Variants in NPAS3 observed in about 807,000 individuals in gnomAD.
NPAS3 encodes neuronal PAS domain protein 3.
A neutral mutation model predicts 73.1 loss-of-function variants in NPAS3; 14 were observed. The ratio of observed to expected loss-of-function variants is 0.19; its 90% CI spans 0.13 to 0.30. The LOEUF (loss-of-function observed/expected upper bound fraction) is 0.30. NPAS3 is among the 10% of genes least tolerant of loss of function. The pLI is 1.00. For synonymous variants in NPAS3, 620 were observed against 541.5 expected (o/e 1.14, Z -2.01); for missense variants, 1,096 against 1,250.0 (o/e 0.88, Z 1.86).
chr14:33,657,274 C>G (rs2059170544), intron 5 of NPAS3, among the ~76,000 whole-genome samples: 1 of 152,120 alleles, frequency 6.6e-6, no homozygotes, highest in Admixed American at 6.6e-5. Context: ...GATAACAACA[C>G]AGGGTCCCAG....
At chr14:33,387,659 T>C (rs2046828059) in intron 4 of NPAS3, among the ~76,000 whole-genome samples, 1 of 152,022 alleles carries the variant, frequency 6.6e-6, no homozygotes, top group Non-Finnish European at 1.5e-5. Context: ...AAACGGGCAA[T>C]GCCAGGGTAA....
At chr14:33,781,606 G>A (rs1028649887) in intron 9 of NPAS3, among the ~76,000 whole-genome samples, 2 of 152,192 alleles carry the variant, frequency 1.3e-5, no homozygotes, top group African/African-American at 4.8e-5. Context: ...CTAAAACAAA[G>A]GGATGGTTAA....
chr14:33,346,781 G>A (rs2044757477), intron 3 of NPAS3, among the ~76,000 whole-genome samples: 1 of 152,116 alleles, frequency 6.6e-6, no homozygotes, highest in South Asian at 2.1e-4. Context: ...TACAGTTCCT[G>A]GGAACAGGAT....
intron 5 of NPAS3, among the ~76,000 whole-genome samples, chr14:33,586,679 G>C (rs1040772592): frequency 1.3e-5 from 2 of 152,014 alleles, no homozygotes; most frequent in Non-Finnish European, 1.5e-5. Flanking sequence ...TGTTAATTTA[G>C]CAGTTGAAAA....
chr14:33,333,964 T>G (rs1325460658), intron 3 of NPAS3, among the ~76,000 whole-genome samples: 1 of 152,150 alleles, frequency 6.6e-6, no homozygotes, highest in African/African-American at 2.4e-5. Context: ...TGGAAAATTT[T>G]GAATCAAAGT....
chr14:33,302,606 C>T (rs1594641059), intron 3 of NPAS3, among the ~76,000 whole-genome samples: 2 of 152,290 alleles, frequency 1.3e-5, no homozygotes, highest in South Asian at 4.1e-4. Context: ...TAAAATAAAA[C>T]ATAGACTGAC....
chr14:33,714,998 A>G (rs1407920291), intron 6 of NPAS3, among the ~76,000 whole-genome samples: 1 of 152,212 alleles, frequency 6.6e-6, no homozygotes, highest in Non-Finnish European at 1.5e-5. Context: ...GGAAAACTAG[A>G]CATTCTCTTT....
chr14:32,942,704 GTT>G (rs1011894690), intron 1 of NPAS3, among the ~76,000 whole-genome samples: 50 of 152,294 alleles, frequency 3.3e-4, no homozygotes, highest in African/African-American at 1.2e-3. Context: ...GTGGAGACTG[GTT>G]TTTGGAGGTA....
chr14:33,432,552 C>T (rs560672078), intron 4 of NPAS3, among the ~76,000 whole-genome samples: 1 of 152,296 alleles, frequency 6.6e-6, no homozygotes, highest in Admixed American at 6.5e-5. Context: ...ACCATGTTGA[C>T]TCCACTTTGA....
chr14:33,170,221 T>C (rs1469408647), intron 2 of NPAS3, among the ~76,000 whole-genome samples: 4 of 152,230 alleles, frequency 2.6e-5, no homozygotes, highest in Non-Finnish European at 4.4e-5. Flanking sequence ...GGTTTCCAAG[T>C]GCATATAAAA....
rs542358532 is a variant in NPAS3, at chr14:33,783,082, C to G, written c.1153+4510C>G. Among the ~76,000 whole-genome samples, 6 of 152,194 alleles carry G rather than the reference C, an allele frequency of 3.9e-5. No homozygotes were observed. The South Asian group carries it at 1.2e-3, about 32-fold the overall frequency. Reference sequence around the variant, plus strand: ...TTCCCAGCTCATTTTTTTCCACAACCGAGCATCAATCAAAGTAAGTGCCCT... The same window carrying G: ...TTCCCAGCTCATTTTTTTCCACAACGGAGCATCAATCAAAGTAAGTGCCCT... On this transcript the variant is annotated intron_variant, in intron 9 of 11. Transcript: ENST00000356141.
intron 6 of NPAS3, among the ~76,000 whole-genome samples, chr14:33,726,324 C>T (rs952910036): frequency 2.6e-5 from 4 of 152,164 alleles, no homozygotes; most frequent in African/African-American, 9.7e-5. Flanking sequence ...TATGTCAAGT[C>T]ATACACTGAA....
intron 2 of NPAS3, among the ~76,000 whole-genome samples, chr14:33,074,067 A>G (rs1161705717): frequency 6.6e-6 from 1 of 152,156 alleles, no homozygotes; most frequent in East Asian, 1.9e-4. Context: ...TTATGTGATT[A>G]CCTACATGCT....
rs2053723496 is a variant in NPAS3 at position 33,524,831 on chromosome 14, TC to T, written c.469-35288del. On this transcript the variant is annotated intron_variant, in intron 4 of 11. Transcript: ENST00000356141. ...GGACCATCGCTTGTAGATACATCAT[TC>T]CGATCTCTGCCTCCATCTTCATGTG... Among the ~76,000 whole-genome samples, 4 of 152,290 alleles carry T rather than the reference TC, an allele frequency of 2.6e-5. No homozygotes were observed. The South Asian group carries it at 6.2e-4, about 24-fold the overall frequency.
intron 9 of NPAS3, among the ~76,000 whole-genome samples, chr14:33,786,098 G>A (rs981257299): frequency 1.3e-5 from 2 of 152,162 alleles, no homozygotes; most frequent in Non-Finnish European, 2.9e-5. Context: ...ACTGTATCTG[G>A]CTTAAACAAT....
intron 6 of NPAS3, among the ~76,000 whole-genome samples, chr14:33,705,452 T>G (rs1275840532): frequency 2.0e-5 from 3 of 152,208 alleles, no homozygotes; most frequent in African/African-American, 7.2e-5. Flanking sequence ...TGTTCAACAC[T>G]GAATTTATCC....
At chr14:33,011,955 T>G (rs1283965448) in intron 1 of NPAS3, among the ~76,000 whole-genome samples, 2 of 152,182 alleles carry the variant, frequency 1.3e-5, no homozygotes, top group Non-Finnish European at 2.9e-5. Context: ...TTCTTTCTTT[T>G]TTCTTCTTCT....
At chr14:33,394,177 G>C (rs761280022) in intron 4 of NPAS3, among the ~76,000 whole-genome samples, 1 of 152,112 alleles carries the variant, frequency 6.6e-6, no homozygotes, top group Admixed American at 6.6e-5. Flanking sequence ...CTGCTGTCTT[G>C]ACCTGTACTT....
chr14:33,361,109 T>C (rs2045580889), intron 3 of NPAS3, among the ~76,000 whole-genome samples: 1 of 152,180 alleles, frequency 6.6e-6, no homozygotes, highest in African/African-American at 2.4e-5. Flanking sequence ...CATTTCCTCC[T>C]TTCCCAGCTA....
Sources: gnomAD v4.1 joint callset for allele counts (sites outside exome capture counted in the v4.1 genomes callset) on GRCh38, gnomAD v4.1.1 for gene constraint, MANE v1.5 for transcripts, NCBI Gene and HGNC (gene_info 2026-07-23, HGNC 2026-07-21) for gene names.